The following SCML2 variants were observed in gnomAD, a reference collection of about 807,000 sequenced individuals.
The protein encoded by SCML2 is sex comb on midleg-like protein 2.
Under a neutral mutation model 48.4 loss-of-function variants are expected in SCML2, and 6 were observed. The ratio of observed to expected loss-of-function variants is 0.12; its 90% CI spans 0.07 to 0.24. SCML2 has a LOEUF of 0.24. SCML2 is among the 10% of genes least tolerant of loss of function. The probability of loss-of-function intolerance (pLI) is 1.00; values close to 1 mark genes in which losing one functional copy is unlikely to be tolerated. For missense variants in SCML2, 377 were observed against 528.2 expected (o/e 0.71, Z 2.81); for synonymous variants, 181 against 189.5 (o/e 0.95, Z 0.37).
intron 7 of SCML2, among the ~76,000 whole-genome samples, chrX:18,294,824 G>A (rs986986605): frequency 6.3e-5 from 7 of 111,058 alleles, no homozygotes; most frequent in East Asian, 2.9e-4. Context: ...GCCAAAGCAC[G>A]TGCTCCATAG....
At chrX:18,265,085 C>A (rs1257112661) in intron 8 of SCML2, among the ~76,000 whole-genome samples, 1 of 111,964 alleles carries the variant, frequency 8.9e-6, no homozygotes, top group African/African-American at 3.2e-5. Context: ...TTGTATAACA[C>A]CCCTTATCCC....
intron 6 of SCML2, among the ~76,000 whole-genome samples, chrX:18,315,601 C>T (rs1929095736): frequency 9.0e-6 from 1 of 111,106 alleles, no homozygotes; most frequent in African/African-American, 3.3e-5. Flanking sequence ...AGGAGGGGCT[C>T]TCATGTACAC....
chrX:18,327,880 A>T (rs1929534868), intron 3 of SCML2, among the ~76,000 whole-genome samples: 1 of 111,682 alleles, frequency 9.0e-6, no homozygotes, highest in African/African-American at 3.3e-5. Flanking sequence ...GACTTGACAC[A>T]TCTACGTCAA....
At chrX:18,343,171 CTTTTT>C (rs200760857) in intron 1 of SCML2, among the ~76,000 whole-genome samples, 1 of 103,340 alleles carries the variant, frequency 9.7e-6, no homozygotes, top group Non-Finnish European at 2.0e-5. Flanking sequence ...CCCCACCTCC[CTTTTT>C]TTTTTATTTT....
intron 2 of SCML2, among the ~76,000 whole-genome samples, chrX:18,330,933 C>T (rs944839478): frequency 9.0e-6 from 1 of 110,536 alleles, no homozygotes; most frequent in Non-Finnish European, 1.9e-5. Context: ...TAAAACAGGA[C>T]CTGGCATCGC....
At chrX:18,295,907 T>C (rs1317274399) in intron 7 of SCML2, among the ~76,000 whole-genome samples, 1 of 111,789 alleles carries the variant, frequency 8.9e-6, no homozygotes, top group African/African-American at 3.3e-5. Context: ...CTTCATGCAC[T>C]CAGAATCAAA....
At chrX:18,337,245 T>G (rs1929850739) in intron 1 of SCML2, among the ~76,000 whole-genome samples, 1 of 87,932 alleles carries the variant, frequency 1.1e-5, no homozygotes, top group African/African-American at 4.7e-5. Context: ...GAGGTTGCAG[T>G]GAGCCAAGAA....
At chrX:18,349,289 C>A (rs369563891) in intron 1 of SCML2, among the ~76,000 whole-genome samples, 3 of 112,254 alleles carry the variant, frequency 2.7e-5, no homozygotes, top group East Asian at 5.6e-4. Context: ...ACACAGGTCA[C>A]AAGTAGTAGG....
At chrX:18,287,342 AG>A (rs1269715810) in intron 7 of SCML2, among the ~76,000 whole-genome samples, 61 of 111,674 alleles carry the variant, frequency 5.5e-4, no homozygotes, top group African/African-American at 1.9e-3. Flanking sequence ...ATATATTGAA[AG>A]GATCTATAGT....
chrX:18,269,527 A>ATAG (rs1330514125), intron 7 of SCML2, among the ~76,000 whole-genome samples: 21 of 111,922 alleles, frequency 1.9e-4, no homozygotes, highest in African/African-American at 6.2e-4. Context: ...GCAGTTCCTT[A>ATAG]TAGCAGTATG....
Position 18,260,442 on chromosome X carries a change from C to T in SCML2, c.949-151G>A. The T allele has an allele frequency of 6.9e-6, 3 of 433,731 alleles. No individual in the cohort carries two copies. The South Asian group carries it at 2.2e-4, about 32-fold the overall frequency. 35.7% of individuals were successfully genotyped at this position (433,731 alleles called of 1,213,427 possible). On this transcript the variant is annotated intron_variant, in intron 8 of 14. Coordinates refer to ENST00000251900, the MANE Select transcript of SCML2 (RefSeq NM_006089.3). The stretch of plus-strand genomic sequence containing the variant: ...TGGAAACTCCCGTGTGTGTCATGAA[C>T]TGCAGAACTTTCCAAACTGAGCTTC...
At chrX:18,334,572 C>G (rs1001764915) in intron 1 of SCML2, among the ~76,000 whole-genome samples, 3 of 111,125 alleles carry the variant, frequency 2.7e-5, no homozygotes, top group African/African-American at 9.8e-5. Flanking sequence ...GTTGGGAAAA[C>G]CTGTAAGAAC....
intron 7 of SCML2, among the ~76,000 whole-genome samples, chrX:18,295,594 A>ACCCCCCCCCCCCCC: frequency 1.1e-5 from 1 of 92,525 alleles, no homozygotes; most frequent in African/African-American, 3.9e-5. Context: ...CCAAGGACCT[A>ACCCCCCCCCCCCCC]CCCGCCCACC....
At position 18,240,319 on chromosome X, in the gene SCML2, A is replaced by C. The variant is rs1926218083; in HGVS notation, c.*932T>G. The C allele has an allele frequency of 8.9e-6, 1 of 112,785 alleles. No individual in the cohort carries two copies. The highest frequency in any genetic ancestry group is 9.5e-5 in the Admixed American group (1 of 10,568). The allele number at this position is 112,785 out of a possible 1,213,427, so 9.3% of individuals were successfully genotyped here. ...ACTTGTGTGTAAACCTACAGGTATA[A>C]AACAATATATAAATATGGTAAAGTA... On this transcript the variant is annotated 3_prime_UTR_variant, in exon 15 of 15. Transcript: ENST00000251900.
In SCML2 at chrX:18,240,534, T is replaced by C. The variant is rs1269713512; in HGVS notation, c.*717A>G. 1.8e-5 allele frequency: 2 copies of C among 112,131 alleles called. No individual in the cohort carries two copies. Among genetic ancestry groups the C allele is most frequent in the African/African-American group, 3.2e-5 (1 of 30,891 alleles). The allele number at this position is 112,131 out of a possible 1,213,427, so 9.2% of individuals were successfully genotyped here. ...CTCCATCCAAACAACCCTCGTAGTA[T>C]AAATATCTCCTGCATAAAATGACAA... On this transcript the variant is annotated 3_prime_UTR_variant, in exon 15 of 15. Transcript: ENST00000251900.
At chrX:18,318,500 A>G (rs1169074796) in intron 6 of SCML2, among the ~76,000 whole-genome samples, 1 of 112,413 alleles carries the variant, frequency 8.9e-6, no homozygotes, top group Non-Finnish European at 1.9e-5. Context: ...ACTCTTCAAC[A>G]TTTTCTCAAG....
intron 7 of SCML2, among the ~76,000 whole-genome samples, chrX:18,303,122 T>C (rs1300049587): frequency 1.8e-5 from 2 of 110,864 alleles, no homozygotes; most frequent in Non-Finnish European, 3.8e-5. Context: ...AACAGCAGGA[T>C]AAAAGCAGAA....
chrX:18,336,384 A>G (rs1929812587), intron 1 of SCML2, among the ~76,000 whole-genome samples: 2 of 103,701 alleles, frequency 1.9e-5, no homozygotes, highest in Admixed American at 2.1e-4. Context: ...GGTTGCAATG[A>G]GCCGAGATCA....
intron 8 of SCML2, among the ~76,000 whole-genome samples, chrX:18,264,463 G>C (rs1161640650): frequency 9.4e-6 from 1 of 106,176 alleles, no homozygotes; most frequent in African/African-American, 3.4e-5. Context: ...GTGTGTGTGT[G>C]TGTGTGTGTG....
Sources: allele counts gnomAD v4.1 joint callset (sites outside exome capture counted in the v4.1 genomes callset), GRCh38; gene constraint gnomAD v4.1.1; transcripts MANE v1.5; gene names NCBI Gene and HGNC (gene_info 2026-07-23, HGNC 2026-07-21).